The following CEBPE variants were observed in gnomAD, a reference collection of about 807,000 sequenced individuals.
The protein encoded by CEBPE is CCAAT enhancer binding protein epsilon.
Under a neutral mutation model 20.4 loss-of-function variants are expected in CEBPE, and 10 were observed. The ratio of observed to expected loss-of-function variants is 0.49; its 90% confidence interval spans 0.30 to 0.83. The LOEUF is 0.83. CEBPE is among the 40% of genes least tolerant of loss of function. CEBPE has a pLI of 0.06. For synonymous variants in CEBPE, 179 were observed against 162.6 expected, an observed-to-expected ratio of 1.10 and a Z score of -0.77; for missense variants, 389 against 383.3, an observed-to-expected ratio of 1.01 and a Z score of -0.12.
rs1246528844 is a variant in CEBPE, at chr14:23,118,450, G to T, written c.510+132C>A. On this transcript the variant is annotated intron_variant, in intron 1 of 1. Coordinates refer to ENST00000206513, the MANE Select transcript of CEBPE (RefSeq NM_001805.4). The surrounding 1 kb of genome is among the most constrained non-coding windows in gnomAD (Gnocchi z 5.5). ...GTCATGGTGGGGTGTGAACACAGAG[G>T]ACTGTGGGTTGGGTCCATTTCACAG... The T allele has an allele frequency of 1.8e-6, 2 of 1,130,932 alleles. No homozygotes were observed. The highest frequency in any genetic ancestry group is 3.1e-5 in the African/African-American group (2 of 64,434). 70.1% of individuals were successfully genotyped at this position (1,130,932 alleles called of 1,614,324 possible).
At position 23,119,198 on chromosome 14, in the gene CEBPE, C is replaced by G; in HGVS notation, c.-107G>C. The G allele has an allele frequency of 1.3e-6, 1 of 752,128 alleles. No homozygotes were observed. 46.6% of individuals were successfully genotyped at this position (752,128 alleles called of 1,614,324 possible). On this transcript the variant is annotated 5_prime_UTR_variant, in exon 1 of 2. Transcript: ENST00000206513. ...TCCTCCTGACCTGGGCCTGCCCTCTCTCGATCTTCTGCCCTAGACCTGCCC... is the reference window on the plus strand; with the variant it reads ...TCCTCCTGACCTGGGCCTGCCCTCTGTCGATCTTCTGCCCTAGACCTGCCC...
chr14:23,118,133 G>A lies in CEBPE; in HGVS notation c.511-311C>T, dbSNP rs1207227785. On this transcript the variant is annotated intron_variant, in intron 1 of 1. Coordinates refer to ENST00000206513, the MANE Select transcript of CEBPE (RefSeq NM_001805.4). The surrounding 1 kb of genome is among the most constrained non-coding windows in gnomAD (Gnocchi z 5.5). ...TGGTCTCCAACCCCTGGCCTTAAGCGAACCTCCTGCTTTGGCCTCCCAAAG... is the reference window on the plus strand; with the variant it reads ...TGGTCTCCAACCCCTGGCCTTAAGCAAACCTCCTGCTTTGGCCTCCCAAAG... Among the ~76,000 whole-genome samples, 1 of 152,034 alleles carries A rather than the reference G, an allele frequency of 6.6e-6. No individual in the cohort carries two copies. Among genetic ancestry groups the A allele is most frequent in the Non-Finnish European group, 1.5e-5 (1 of 68,016 alleles).
Position 23,117,362 on chromosome 14 carries a change from C to T in CEBPE, c.*125G>A. 1 of 1,006,928 alleles carries T rather than the reference C, an allele frequency of 9.9e-7. No homozygotes were observed. Among genetic ancestry groups the T allele is most frequent in the Non-Finnish European group, 1.5e-6 (1 of 669,098 alleles). The allele number at this position is 1,006,928 out of a possible 1,614,324, so 62.4% of individuals were successfully genotyped here. ...TAATCATTATGCTGGGTCCTGCCCT[C>T]TTTGCCACCCCGGTTGCCATTTATC... On this transcript the variant is annotated 3_prime_UTR_variant, in exon 2 of 2. Coordinates refer to ENST00000206513, the MANE Select transcript of CEBPE (RefSeq NM_001805.4).
At position 23,118,107 on chromosome 14, in the gene CEBPE, C is replaced by G. The variant is rs2048518646; in HGVS notation, c.511-285G>C. Among the ~76,000 whole-genome samples, 1 of 152,094 alleles carries G rather than the reference C, an allele frequency of 6.6e-6. No homozygotes were observed. The highest frequency in any genetic ancestry group is 2.4e-5 in the African/African-American group (1 of 41,400). On this transcript the variant is annotated intron_variant, in intron 1 of 1. Transcript: ENST00000206513. This position sits in a 1 kb window ranked among gnomAD's most constrained non-coding sequence, Gnocchi z 5.5. ...ATGGAGCCTTGCTATGTTGTCCAGGCTGGTCTCCAACCCCTGGCCTTAAGC... is the reference window on the plus strand; with the variant it reads ...ATGGAGCCTTGCTATGTTGTCCAGGGTGGTCTCCAACCCCTGGCCTTAAGC...
rs1310260946 is a variant in CEBPE, at chr14:23,119,122, C to T, written c.-31G>A. ...GCCCGCCCCCTCGGCTCCCCGCCCCCACCTGCTCTTGAGGCACCCCTTGGG... is the reference window on the plus strand; with the variant it reads ...GCCCGCCCCCTCGGCTCCCCGCCCCTACCTGCTCTTGAGGCACCCCTTGGG... On this transcript the variant is annotated 5_prime_UTR_variant, in exon 1 of 2. Transcript: ENST00000206513. 2.7e-6 allele frequency: 4 copies of T among 1,507,074 alleles called. No homozygotes were observed. In the African/African-American group the frequency reaches 4.1e-5, roughly 15 times the overall value. 93.4% of individuals were successfully genotyped at this position (1,507,074 alleles called of 1,614,324 possible).
In CEBPE at chr14:23,118,160, G is replaced by A. The variant is rs1165528061; in HGVS notation, c.511-338C>T. On this transcript the variant is annotated intron_variant, in intron 1 of 1. Coordinates refer to ENST00000206513, the MANE Select transcript of CEBPE (RefSeq NM_001805.4). The surrounding 1 kb of genome is among the most constrained non-coding windows in gnomAD (Gnocchi z 5.5). ...ACCTCCTGCTTTGGCCTCCCAAAGC[G>A]CTGGGATTACAGGCATGAGCCACGA... Among the ~76,000 whole-genome samples, 3 of 152,088 alleles carry A rather than the reference G, an allele frequency of 2.0e-5. No homozygotes were observed. The highest frequency in any genetic ancestry group is 4.4e-5 in the Non-Finnish European group (3 of 68,022).
chr14:23,117,557 G>C lies in CEBPE; in HGVS notation c.776C>G (p.Thr259Ser). 1.2e-6 allele frequency: 2 copies of C among 1,614,008 alleles called. No homozygotes were observed. The highest frequency in any genetic ancestry group is 1.7e-6 in the Non-Finnish European group (2 of 1,180,022). Residue 259 changes from threonine (T) to serine (S), a missense_variant, in exon 2 of 2, where the codon ACC becomes AGC. This residue lies in a region of CEBPE where 87 missense variants were observed against 78.5 expected (regional missense o/e 1.11). Transcript: ENST00000206513. The stretch of plus-strand genomic sequence containing the variant: ...AATCTGGCGGAAGAGGTTGCGGAGG[G>C]TGTCTAGCTCCTGGGTGAGCTGCTC... ...RVEQLTQELD[T>S]LRNLFRQIPE...
Position 23,118,852 on chromosome 14 carries a change from G to A in CEBPE, c.240C>T (p.Tyr80=), listed in dbSNP as rs2140292130. 1 of 1,614,048 alleles carries A rather than the reference G, an allele frequency of 6.2e-7. No homozygotes were observed. The highest frequency in any genetic ancestry group is 8.5e-7 in the Non-Finnish European group (1 of 1,179,968). ...KGPGTPAFPH[Y]LPPDPRPFAY... ...CAAAGGGCCGAGGGTCAGGCGGCAA[G>A]TAGTGGGGGAAGGCAGGGGTTCCGG... The change falls in exon 1 of 2, where the codon TAC becomes TAT. Residue 80 remains tyrosine, a synonymous_variant. Coordinates refer to ENST00000206513, the MANE Select transcript of CEBPE (RefSeq NM_001805.4). This position sits in a 1 kb window ranked among gnomAD's most constrained non-coding sequence, Gnocchi z 5.5.
At position 23,118,196 on chromosome 14, in the gene CEBPE, A is replaced by G. The variant is rs999800082; in HGVS notation, c.511-374T>C. ...AGGCATGAGCCACGACACCCAGCCA[A>G]TGCTCTCACACTTTCTGAGTACACT... On this transcript the variant is annotated intron_variant, in intron 1 of 1. Transcript: ENST00000206513. This position sits in a 1 kb window ranked among gnomAD's most constrained non-coding sequence, Gnocchi z 5.5. Among the ~76,000 whole-genome samples the G allele has an allele frequency of 2.6e-5, 4 of 152,058 alleles. No homozygotes were observed. The highest frequency in any genetic ancestry group is 6.6e-5 in the Admixed American group (1 of 15,264).
Position 23,118,490 on chromosome 14 carries a change from C to A in CEBPE, c.510+92G>T. The A allele has an allele frequency of 6.8e-7, 1 of 1,465,604 alleles. No homozygotes were observed. The highest frequency in any genetic ancestry group is 1.4e-5 in the African/African-American group (1 of 71,724). 90.8% of individuals were successfully genotyped at this position (1,465,604 alleles called of 1,614,324 possible). ...CCATTTCACAGAGCGACACCAAGCA[C>A]AGGCTCAGCAGCATGAGCCGGGGCA... On this transcript the variant is annotated intron_variant, in intron 1 of 1. Coordinates refer to ENST00000206513, the MANE Select transcript of CEBPE (RefSeq NM_001805.4). The surrounding 1 kb of genome is among the most constrained non-coding windows in gnomAD (Gnocchi z 5.5).
At position 23,117,764 on chromosome 14, in the gene CEBPE, G is replaced by A; in HGVS notation, c.569C>T (p.Ala190Val). The change falls in exon 2 of 2, where the codon GCT (alanine) becomes GTT (valine). Residue 190 changes from alanine to valine, a missense_variant. By Grantham distance (64) the Ala-to-Val change is moderately conservative. This residue lies in a region of CEBPE where 294 missense variants were observed against 279.7 expected (regional missense o/e 1.05). Coordinates refer to ENST00000206513, the MANE Select transcript of CEBPE (RefSeq NM_001805.4). ...CSPLLKAPSPAGPLHKGKKAV... is the reference protein window; with the variant it reads ...CSPLLKAPSPVGPLHKGKKAV... ...CTTCTTGCCCTTGTGTAAGGGGCCA[G>A]CCGGGGAGGGCGCCTTCAGGAGGGG... is the stretch of plus-strand genomic sequence containing the variant. The A allele has an allele frequency of 1.9e-6, 3 of 1,613,096 alleles. No individual in the cohort carries two copies. The highest frequency in any genetic ancestry group is 2.2e-5 in the South Asian group (2 of 91,080).
Position 23,117,450 on chromosome 14 carries a change from G to T in CEBPE, c.*37C>A. 4.4e-6 allele frequency: 7 copies of T among 1,582,426 alleles called. No individual in the cohort carries two copies. The South Asian group carries it at 8.0e-5, about 18-fold the overall frequency. ...ATGGGGGTCCGCAGAGTTAGGCCGT[G>T]CCAGGGAGCCTGGTGCCCACAATCC... On this transcript the variant is annotated 3_prime_UTR_variant, in exon 2 of 2. Coordinates refer to ENST00000206513, the MANE Select transcript of CEBPE (RefSeq NM_001805.4).
Position 23,119,108 on chromosome 14 carries a change from C to A in CEBPE, c.-17G>T, listed in dbSNP as rs553721511. 1.9e-6 allele frequency: 3 copies of A among 1,555,684 alleles called. No individual in the cohort carries two copies. The African/African-American group carries it at 4.1e-5, about 21-fold the overall frequency. ...GTGGGACATGGCCGGCCCGCCCCCT[C>A]GGCTCCCCGCCCCCACCTGCTCTTG... On this transcript the variant is annotated 5_prime_UTR_variant, in exon 1 of 2. Transcript: ENST00000206513.
Position 23,117,441 on chromosome 14 carries a change from T to G in CEBPE, c.*46A>C. The G allele has an allele frequency of 6.4e-7, 1 of 1,568,732 alleles. No homozygotes were observed. Among genetic ancestry groups the G allele is most frequent in the East Asian group, 2.4e-5 (1 of 42,340 alleles). ...CCCAGCAGGATGGGGGTCCGCAGAGTTAGGCCGTGCCAGGGAGCCTGGTGC... is the reference window on the plus strand; with the variant it reads ...CCCAGCAGGATGGGGGTCCGCAGAGGTAGGCCGTGCCAGGGAGCCTGGTGC... On this transcript the variant is annotated 3_prime_UTR_variant, in exon 2 of 2. Coordinates refer to ENST00000206513, the MANE Select transcript of CEBPE (RefSeq NM_001805.4).
At position 23,119,026 on chromosome 14, in the gene CEBPE, C is replaced by A. The variant is rs776941005; in HGVS notation, c.66G>T (p.Gly22=). 2.5e-6 allele frequency: 4 copies of A among 1,613,090 alleles called. No individual in the cohort carries two copies. Among genetic ancestry groups the A allele is most frequent in the African/African-American group, 1.3e-5 (1 of 74,962 alleles). Residue 22 remains glycine (G), a synonymous_variant, in exon 1 of 2, where the codon GGG becomes GGT. Coordinates refer to ENST00000206513, the MANE Select transcript of CEBPE (RefSeq NM_001805.4). The stretch of plus-strand genomic sequence containing the variant: ...CTAGCTCCCCGGGCCCAGCTCGGCC[C>A]CCTGAGAACTCGAGTGGCTGCTGGC... ...RGGQQPLEFS[G]GRAGPGELGD...
chr14:23,119,060 G>T lies in CEBPE; in HGVS notation c.32C>A (p.Pro11His). Residue 11 changes from proline to histidine, a missense_variant, in exon 1 of 2, where the codon CCC becomes CAC. Physicochemically the swap from Pro to His is moderately conservative, Grantham distance 77. This residue lies in a region of CEBPE where 294 missense variants were observed against 279.7 expected (regional missense o/e 1.05). Transcript: ENST00000206513. Reference protein sequence around the residue: MSHGTYYECEPRGGQQPLEFS... With the variant: MSHGTYYECEHRGGQQPLEFS... Reference sequence around the variant, plus strand: ...CTCGAGTGGCTGCTGGCCACCCCGGGGCTCACACTCGTAGTAGGTCCCGTG... The same window carrying T: ...CTCGAGTGGCTGCTGGCCACCCCGGTGCTCACACTCGTAGTAGGTCCCGTG... 6.2e-7 allele frequency: 1 copy of T among 1,609,914 alleles called. No individual in the cohort carries two copies.
At position 23,118,869 on chromosome 14, in the gene CEBPE, G is replaced by T. The variant is rs148458866; in HGVS notation, c.223C>A (p.Pro75Thr). The T allele has an allele frequency of 5.0e-6, 8 of 1,613,940 alleles. No individual in the cohort carries two copies. In the African/African-American group the frequency reaches 8.0e-5, roughly 16 times the overall value. The change falls in exon 1 of 2, where the codon CCT becomes ACT. Residue 75 changes from proline to threonine, a missense_variant. Physicochemically the swap from Pro to Thr is conservative, Grantham distance 38. Around this residue, in one of 3 missense-constraint regions of CEBPE, gnomAD observed 294 missense variants for 279.7 expected, o/e 1.05. Transcript: ENST00000206513. This position sits in a 1 kb window ranked among gnomAD's most constrained non-coding sequence, Gnocchi z 5.5. ...GGCGGCAAGTAGTGGGGGAAGGCAGGGGTTCCGGGGCCCTTGAGGCCTCTG... is the reference window on the plus strand; with the variant it reads ...GGCGGCAAGTAGTGGGGGAAGGCAGTGGTTCCGGGGCCCTTGAGGCCTCTG... ...EARGLKGPGT[P>T]AFPHYLPPDP... is the part of the protein sequence containing the mutation.
rs564149260 is a variant in CEBPE at position 23,118,055 on chromosome 14, ACTTT to A, written c.511-237_511-234del. 4.0e-3 allele frequency among the ~76,000 whole-genome samples: 613 copies of A among 151,976 alleles called. 8 individuals carry two copies. The highest frequency in any genetic ancestry group is 0.021 in the Admixed American group (322 of 15,258). Reference sequence around the variant, plus strand: ...CCAAAACTCCCTTTCATGTTCTCACACTTTCTTTCTTTCTTTTTTTGTAAAGATG... The same window carrying A: ...CCAAAACTCCCTTTCATGTTCTCACACTTTCTTTCTTTTTTTGTAAAGATG... On this transcript the variant is annotated intron_variant, in intron 1 of 1. Coordinates refer to ENST00000206513, the MANE Select transcript of CEBPE (RefSeq NM_001805.4). The surrounding 1 kb of genome is among the most constrained non-coding windows in gnomAD (Gnocchi z 5.5).
At position 23,118,989 on chromosome 14, in the gene CEBPE, C is replaced by T. The variant is rs752255768; in HGVS notation, c.103G>A (p.Glu35Lys). Residue 35 changes from glutamate (E) to lysine (K), a missense_variant, in exon 1 of 2, where the codon GAG (glutamate) becomes AAG (lysine). By Grantham distance (56) the Glu-to-Lys change is moderately conservative. Coordinates refer to ENST00000206513, the MANE Select transcript of CEBPE (RefSeq NM_001805.4). This position sits in a 1 kb window ranked among gnomAD's most constrained non-coding sequence, Gnocchi z 5.5. ...GAGAGGTCAATGGAGGCCTCATGCT[C>T]ACACATGTCCCCTAGCTCCCCGGGC... ...AGPGELGDMC[E>K]HEASIDLSAY... 9.3e-6 allele frequency: 15 copies of T among 1,613,830 alleles called. No homozygotes were observed. Among genetic ancestry groups the T allele is most frequent in the Admixed American group, 1.7e-5 (1 of 60,022 alleles).
Sources: gnomAD v4.1 joint callset for allele counts (sites outside exome capture counted in the v4.1 genomes callset) on GRCh38, gnomAD v4.1.1 for gene constraint, gnomAD v4.1.1 regional missense constraint, Gnocchi (gnomAD v3.1) non-coding constraint, MANE v1.5 for transcripts, NCBI Gene and HGNC (gene_info 2026-07-23, HGNC 2026-07-21) for gene names.